PDE4B: variants seen among roughly 807,000 people sequenced by gnomAD.
PDE4B encodes 3',5'-cyclic-AMP phosphodiesterase 4B.
PDE4B carries 20 observed loss-of-function variants against 82.2 expected under a neutral mutation model. The ratio of observed to expected loss-of-function variants is 0.24; its 90% CI spans 0.17 to 0.35. PDE4B has a LOEUF of 0.35. PDE4B is among the 10% of genes least tolerant of loss of function. The pLI is 1.00. For synonymous variants in PDE4B, 320 were observed against 318.9 expected (o/e 1.00, Z -0.04); for missense variants, 655 against 907.2 (o/e 0.72, Z 3.57).
intron 1 of PDE4B, among the ~76,000 whole-genome samples, chr1:65,798,050 G>T (rs187536467): frequency 2.6e-5 from 4 of 151,430 alleles, no homozygotes; most frequent in Non-Finnish European, 5.9e-5. Context: ...ATGGAGTTTC[G>T]CTCTGTCACC....
intron 8 of PDE4B, among the ~76,000 whole-genome samples, chr1:66,345,076 C>G (rs1349834556): frequency 1.3e-5 from 2 of 152,124 alleles, no homozygotes; most frequent in Non-Finnish European, 2.9e-5. Flanking sequence ...TCGTATGACA[C>G]TCACCCTGAG....
At chr1:65,808,545 T>C (rs146667752) in intron 1 of PDE4B, among the ~76,000 whole-genome samples, 376 of 152,300 alleles carry the variant, frequency 2.5e-3, no homozygotes, top group African/African-American at 7.9e-3. Flanking sequence ...ATTTTCCACA[T>C]AGGTGAGGAA....
intron 1 of PDE4B, among the ~76,000 whole-genome samples, chr1:65,912,833 A>T (rs1023330933): frequency 6.6e-6 from 1 of 152,170 alleles, no homozygotes; most frequent in African/African-American, 2.4e-5. Context: ...CCTTGGCCAA[A>T]TAATTTGTTC....
intron 3 of PDE4B, among the ~76,000 whole-genome samples, chr1:66,004,891 G>A (rs1652063885): frequency 6.6e-6 from 1 of 151,164 alleles, no homozygotes; most frequent in Non-Finnish European, 1.5e-5. Flanking sequence ...TTAACCTTTG[G>A]GAGCATCAAC....
chr1:66,070,146 C>T lies in PDE4B; in HGVS notation c.281+151311C>T, dbSNP rs186755422. 2.6e-5 allele frequency among the ~76,000 whole-genome samples: 4 copies of T among 152,104 alleles called. No individual in the cohort carries two copies. The East Asian group carries it at 7.7e-4, about 29-fold the overall frequency. ...GCTCTGAATTCTTTTTGGGCAAGTG[C>T]CACCACCTTCTCATAATCATAGCCA... On this transcript the variant is annotated intron_variant, in intron 3 of 16. Transcript: ENST00000341517.
chr1:66,117,741 A>C (rs553762902), intron 3 of PDE4B, among the ~76,000 whole-genome samples: 57 of 152,284 alleles, frequency 3.7e-4, no homozygotes, highest in African/African-American at 1.3e-3. Flanking sequence ...TTATCAGCCC[A>C]TCTGAGTTTT....
At chr1:66,188,250 T>A (rs368867344) in intron 3 of PDE4B, among the ~76,000 whole-genome samples, 5 of 152,148 alleles carry the variant, frequency 3.3e-5, no homozygotes, top group Non-Finnish European at 7.4e-5. Context: ...GTGTTTTACT[T>A]CCAACTATGT....
intron 3 of PDE4B, among the ~76,000 whole-genome samples, chr1:66,178,073 T>C (rs951401239): frequency 6.6e-6 from 1 of 151,740 alleles, no homozygotes; most frequent in African/African-American, 2.4e-5. Context: ...AAATTATGTA[T>C]ACATCTCTTA....
At chr1:65,929,652 C>G (rs1215471305) in intron 3 of PDE4B, among the ~76,000 whole-genome samples, 1 of 152,182 alleles carries the variant, frequency 6.6e-6, no homozygotes, top group Non-Finnish European at 1.5e-5. Flanking sequence ...CATTTTCTTT[C>G]ATCACTTTGT....
chr1:66,217,223 A>T (rs578244305), intron 3 of PDE4B, among the ~76,000 whole-genome samples: 2 of 152,166 alleles, frequency 1.3e-5, no homozygotes, highest in Non-Finnish European at 2.9e-5. Context: ...TTACCCCAGC[A>T]TTGTAGCTGT....
chr1:66,232,058 T>G (rs1651995497), intron 3 of PDE4B, among the ~76,000 whole-genome samples: 1 of 152,208 alleles, frequency 6.6e-6, no homozygotes, highest in South Asian at 2.1e-4. Context: ...TGGTTTAAAT[T>G]ACAAGAAGAT....
rs960843823 is a variant in PDE4B, at chr1:66,372,576, C to G, written c.2109C>G (p.Ser703Arg). 2 of 1,614,034 alleles carry G rather than the reference C, an allele frequency of 1.2e-6. No homozygotes were observed. The highest frequency in any genetic ancestry group is 2.7e-5 in the African/African-American group (2 of 74,930). The change falls in exon 17 of 17, where the codon AGC becomes AGG. Residue 703 changes from serine (S) to arginine (R), a missense_variant. Around this residue, in one of 3 missense-constraint regions of PDE4B, gnomAD observed 119 missense variants for 115.2 expected, o/e 1.03. Transcript: ENST00000341517. ...EKEGEGHSYF[S>R]STKTLCVIDP... is the part of the protein sequence containing the mutation. ...AGGGAGAGGGACACAGCTATTTCAG[C>G]AGCACAAAGACGCTTTGTGTGATTG...
At chr1:66,211,790 A>G (rs12048931) in intron 3 of PDE4B, among the ~76,000 whole-genome samples, 6,886 of 152,322 alleles carry the variant, frequency 0.045, 245 homozygotes, top group East Asian at 0.15. Context: ...TGATGTTTTC[A>G]GTGTATCATA....
chr1:65,913,384 T>G, intron 2 of PDE4B, 28 bp downstream of exon 2: 3 of 1,610,166 alleles, frequency 1.9e-6, no homozygotes, highest in Non-Finnish European at 1.7e-6. Flanking sequence ...CCAATCATGT[T>G]TGGTCTGTTC....
chr1:66,220,296 T>A (rs528815697), intron 3 of PDE4B, among the ~76,000 whole-genome samples: 2 of 152,310 alleles, frequency 1.3e-5, no homozygotes, highest in East Asian at 1.9e-4. Context: ...AGTACTTCTT[T>A]ACTCAGGTAC....
At chr1:66,067,358 C>G (rs934788581) in intron 3 of PDE4B, among the ~76,000 whole-genome samples, 5 of 152,038 alleles carry the variant, frequency 3.3e-5, no homozygotes, top group African/African-American at 1.2e-4. Flanking sequence ...CTGTTGTTTC[C>G]TGACATTTTA....
chr1:65,974,488 G>C (rs1429542698), intron 3 of PDE4B, among the ~76,000 whole-genome samples: 1 of 152,098 alleles, frequency 6.6e-6, no homozygotes, highest in Non-Finnish European at 1.5e-5. Context: ...CCTTCTCCCT[G>C]GGTCATGGCA....
chr1:65,896,796 C>A (rs1029430380), intron 1 of PDE4B, among the ~76,000 whole-genome samples: 2 of 151,990 alleles, frequency 1.3e-5, no homozygotes, highest in African/African-American at 4.8e-5. Flanking sequence ...TAATGTTTAC[C>A]TTGTTAGATT....
intron 3 of PDE4B, among the ~76,000 whole-genome samples, chr1:65,969,400 C>T (rs1650014515): frequency 6.6e-6 from 1 of 152,126 alleles, no homozygotes; most frequent in South Asian, 2.1e-4. Context: ...TACTATCCTA[C>T]CATCTGCCTA....
Sources: allele counts gnomAD v4.1 joint callset (sites outside exome capture counted in the v4.1 genomes callset), GRCh38; gene constraint gnomAD v4.1.1; regional missense constraint gnomAD v4.1.1; transcripts MANE v1.5; gene names NCBI Gene and HGNC (gene_info 2026-07-23, HGNC 2026-07-21).